The following ZNF423 variants were observed in gnomAD, a reference collection of about 807,000 sequenced individuals.
The protein encoded by ZNF423 is Ebf-associated zinc finger protein.
ZNF423 carries 12 observed loss-of-function variants against 95.8 expected under a neutral mutation model. The observed-to-expected ratio is 0.13, with a 90% CI of 0.08 to 0.20. The LOEUF is 0.20. Ranked by LOEUF, ZNF423 falls within the 10% of genes least tolerant of loss-of-function variation. The pLI, the probability that ZNF423 is intolerant of heterozygous loss-of-function variation, is 1.00. For synonymous variants in ZNF423, 749 were observed against 711.9 expected, an observed-to-expected ratio of 1.05 and a Z score of -0.83; for missense variants, 1,316 against 1,737.1, an observed-to-expected ratio of 0.76 and a Z score of 4.31.
At position 49,523,735 on chromosome 16, in the gene ZNF423, G is replaced by A. The variant is rs1356458481; in HGVS notation, c.3738C>T (p.Phe1246=). The stretch of plus-strand genomic sequence containing the variant: ...GCTGCTGCAACTTGTTGGCCTGGAC[G>A]AAGACTAGACACAGACACGGCTGTC... ...TFKCPVCFTV[F]VQANKLQQHI... The change falls in exon 7 of 8, where the codon TTC becomes TTT. Residue 1246 remains phenylalanine, a synonymous_variant. Transcript: ENST00000563137. The A allele has an allele frequency of 5.0e-6, 8 of 1,612,924 alleles. No homozygotes were observed. The highest frequency in any genetic ancestry group is 1.6e-4 in the Middle Eastern group (1 of 6,084).
In ZNF423 at chr16:49,487,803, G is replaced by T. The variant is rs1966869464; in HGVS notation, c.*3472C>A. The T allele has an allele frequency of 6.6e-6, 1 of 152,222 alleles. No individual in the cohort carries two copies. Among genetic ancestry groups the T allele is most frequent in the Non-Finnish European group, 1.5e-5 (1 of 68,072 alleles). The allele number at this position is 152,222 out of a possible 1,614,324, so 9.4% of individuals were successfully genotyped here. Reference sequence around the variant, plus strand: ...GCATTTGCAGTGTTCTCTTCCCACTGCTCTTGGACTGCCCACCTCCCTTAT... The same window carrying T: ...GCATTTGCAGTGTTCTCTTCCCACTTCTCTTGGACTGCCCACCTCCCTTAT... On this transcript the variant is annotated 3_prime_UTR_variant, in exon 8 of 8. Coordinates refer to ENST00000563137, the MANE Select transcript of ZNF423 (RefSeq NM_001379286.1).
At chr16:49,517,330 A>G (rs952726467) in intron 7 of ZNF423, among the ~76,000 whole-genome samples, 1 of 152,174 alleles carries the variant, frequency 6.6e-6, no homozygotes, top group Non-Finnish European at 1.5e-5. Flanking sequence ...CCCACTGCCA[A>G]AAGTCTTGGA....
chr16:49,752,426 G>A (rs2033649761), intron 2 of ZNF423, among the ~76,000 whole-genome samples: 1 of 152,224 alleles, frequency 6.6e-6, no homozygotes, highest in Admixed American at 6.5e-5. Flanking sequence ...AGGGGTCTGG[G>A]GGAGCAAGGC....
chr16:49,854,829 GGT>G (rs1236444795), intron 1 of ZNF423: 2 of 985,286 alleles, frequency 2.0e-6, no homozygotes, highest in Non-Finnish European at 1.2e-6. Context: ...CGAAGGGATG[GGT>G]GTGTGTATCT....
At chr16:49,762,877 C>T (rs1211553157) in intron 2 of ZNF423, among the ~76,000 whole-genome samples, 2 of 152,238 alleles carry the variant, frequency 1.3e-5, no homozygotes, top group Admixed American at 6.5e-5. Context: ...ACAACCTCCA[C>T]ATCACTGAAA....
At chr16:49,843,644 G>A (rs181035095) in intron 1 of ZNF423, among the ~76,000 whole-genome samples, 17 of 152,320 alleles carry the variant, frequency 1.1e-4, no homozygotes, top group Admixed American at 8.5e-4. Context: ...GTCAGAGTAT[G>A]TTTCCTCCAA....
intron 1 of ZNF423, among the ~76,000 whole-genome samples, chr16:49,848,892 G>A (rs1348160811): frequency 6.6e-6 from 1 of 152,110 alleles, no homozygotes; most frequent in African/African-American, 2.4e-5. Flanking sequence ...CCAACAACCC[G>A]CAGCTCGAAG....
intron 5 of ZNF423, among the ~76,000 whole-genome samples, chr16:49,567,650 A>G (rs1467362517): frequency 6.6e-6 from 1 of 152,248 alleles, no homozygotes; most frequent in African/African-American, 2.4e-5. Flanking sequence ...GCCCAGCCCC[A>G]GTAGGGAGGA....
At chr16:49,567,983 G>A (rs1255870213) in intron 5 of ZNF423, among the ~76,000 whole-genome samples, 3 of 152,142 alleles carry the variant, frequency 2.0e-5, no homozygotes, top group Non-Finnish European at 4.4e-5. Context: ...GAGTCTTTTG[G>A]GGAACCACCA....
rs565013512 is a variant in ZNF423, at chr16:49,722,202, C to A, written c.301+8569G>T. ...AAGCCATCGGAGGGCAGGGGGCAGG[C>A]AATTTAGGGAAGGCTTCCACAAATG... On this transcript the variant is annotated intron_variant, in intron 3 of 7. Transcript: ENST00000563137. Among the ~76,000 whole-genome samples, 45 of 152,274 alleles carry A rather than the reference C, an allele frequency of 3.0e-4. 1 individual carries two copies. Among genetic ancestry groups the A allele is most frequent in the Admixed American group, 2.7e-3 (42 of 15,304 alleles).
At chr16:49,593,887 G>A (rs1052643633) in intron 5 of ZNF423, among the ~76,000 whole-genome samples, 6 of 152,314 alleles carry the variant, frequency 3.9e-5, no homozygotes, top group Admixed American at 1.3e-4. Flanking sequence ...CAGGGGCTCA[G>A]AAGGCAGCAG....
At chr16:49,739,947 C>T (rs2033379675) in intron 2 of ZNF423, among the ~76,000 whole-genome samples, 1 of 152,000 alleles carries the variant, frequency 6.6e-6, no homozygotes, top group Non-Finnish European at 1.5e-5. Flanking sequence ...CAACCTCTGC[C>T]TCCCGGGTTC....
intron 2 of ZNF423, among the ~76,000 whole-genome samples, chr16:49,752,689 C>T (rs1470367494): frequency 6.6e-6 from 1 of 152,196 alleles, no homozygotes; most frequent in East Asian, 1.9e-4. Context: ...TGGGCTTGAC[C>T]TTCTACTGAC....
At chr16:49,499,343 G>A (rs558616173) in intron 7 of ZNF423, among the ~76,000 whole-genome samples, 33 of 152,336 alleles carry the variant, frequency 2.2e-4, no homozygotes, top group Non-Finnish European at 4.0e-4. Context: ...GTGTTGCAAC[G>A]CTCAGCCAGG....
intron 3 of ZNF423, among the ~76,000 whole-genome samples, chr16:49,687,624 T>C (rs1331788659): frequency 4.6e-5 from 7 of 152,070 alleles, no homozygotes; most frequent in Non-Finnish European, 1.0e-4. Context: ...ATGAGCCAGA[T>C]CAAAGACATG....
intron 4 of ZNF423, among the ~76,000 whole-genome samples, chr16:49,631,559 G>T (rs34854387): frequency 0.049 from 7,395 of 152,314 alleles, 238 homozygotes; most frequent in Non-Finnish European, 0.071. Context: ...CTAGAGCTGA[G>T]TTCCAGGGCC....
At chr16:49,553,984 G>A (rs868567122) in intron 5 of ZNF423, among the ~76,000 whole-genome samples, 11 of 152,222 alleles carry the variant, frequency 7.2e-5, no homozygotes, top group East Asian at 5.8e-4. Context: ...ACACAGTCCC[G>A]CCTTGGAGGC....
chr16:49,540,287 G>A (rs75994543), intron 5 of ZNF423, among the ~76,000 whole-genome samples: 4,087 of 152,226 alleles, frequency 0.027, 184 homozygotes, highest in African/African-American at 0.093. Flanking sequence ...TTTTTGTTTT[G>A]TTTTGTTTTG....
Position 49,774,337 on chromosome 16 carries a change from A to G in ZNF423, c.100+15150T>C, listed in dbSNP as rs111884774. Reference sequence around the variant, plus strand: ...GCTCACCATGGAAACTCCACAGGGCACCCGCCAGACACGGAGTAAGTGGCC... The same window carrying G: ...GCTCACCATGGAAACTCCACAGGGCGCCCGCCAGACACGGAGTAAGTGGCC... On this transcript the variant is annotated intron_variant, in intron 2 of 7. Coordinates refer to ENST00000563137, the MANE Select transcript of ZNF423 (RefSeq NM_001379286.1). Among the ~76,000 whole-genome samples, 1,167 of 152,082 alleles carry G rather than the reference A, an allele frequency of 7.7e-3. 21 individuals carry two copies. The highest frequency in any genetic ancestry group is 0.027 in the African/African-American group (1,114 of 41,486).
Sources: gnomAD v4.1 joint callset for allele counts (sites outside exome capture counted in the v4.1 genomes callset) on GRCh38, gnomAD v4.1.1 for gene constraint, MANE v1.5 for transcripts, NCBI Gene and HGNC (gene_info 2026-07-23, HGNC 2026-07-21) for gene names.